FRAS1: variants seen among roughly 807,000 people sequenced by gnomAD.
The protein encoded by FRAS1 is extracellular matrix organizing protein FRAS1.
Under a neutral mutation model 435.2 loss-of-function variants are expected in FRAS1, and 290 were observed. That is an observed-to-expected ratio of 0.67 (90% CI 0.61 to 0.73). The LOEUF (loss-of-function observed/expected upper bound fraction) is 0.73. FRAS1 is among the 30% of genes least tolerant of loss of function. The pLI, the probability that FRAS1 is intolerant of heterozygous loss-of-function variation, is 0.00. For missense variants in FRAS1, 4,860 were observed against 5,001.5 expected (o/e 0.97, Z 0.85); for synonymous variants, 1,800 against 1,851.0 (o/e 0.97, Z 0.71).
At position 78,336,927 on chromosome 4, in the gene FRAS1, C is replaced by A. The variant is rs386832; in HGVS notation, c.2279-747C>A. Among the ~76,000 whole-genome samples, 3 of 152,244 alleles carry A rather than the reference C, an allele frequency of 2.0e-5. No homozygotes were observed. In the East Asian group the frequency reaches 5.8e-4, roughly 29 times the overall value. On this transcript the variant is annotated intron_variant, in intron 19 of 73. Coordinates refer to ENST00000512123, the MANE Select transcript of FRAS1 (RefSeq NM_025074.7). ...AATGCAGCTGCAGCTGCAGCCGCCT[C>A]TGATTCTTTGCCACCCTTATCCTTA... is the stretch of plus-strand genomic sequence containing the variant.
chr4:78,117,618 C>T (rs984058302), intron 2 of FRAS1, among the ~76,000 whole-genome samples: 4 of 152,148 alleles, frequency 2.6e-5, no homozygotes, highest in South Asian at 2.1e-4. Flanking sequence ...TCTAGTTGAT[C>T]GAATCAGCTA....
At chr4:78,301,168 A>G (rs1728374261) in intron 14 of FRAS1, among the ~76,000 whole-genome samples, 1 of 152,226 alleles carries the variant, frequency 6.6e-6, no homozygotes. Flanking sequence ...GCAGCAAGGC[A>G]TTCATTCTAC....
chr4:78,175,072 G>C (rs1290852907), intron 2 of FRAS1, among the ~76,000 whole-genome samples: 1 of 152,176 alleles, frequency 6.6e-6, no homozygotes, highest in Admixed American at 6.5e-5. Flanking sequence ...ATCAGCCTTT[G>C]CTACTTCCTG....
intron 2 of FRAS1, among the ~76,000 whole-genome samples, chr4:78,082,200 T>C (rs1049171334): frequency 6.6e-6 from 1 of 152,084 alleles, no homozygotes; most frequent in Non-Finnish European, 1.5e-5. Flanking sequence ...CTGGCACCCA[T>C]AAAAAATACA....
At chr4:78,345,568 C>A (rs1186992118) in intron 20 of FRAS1, among the ~76,000 whole-genome samples, 5 of 151,606 alleles carry the variant, frequency 3.3e-5, no homozygotes, top group Non-Finnish European at 1.5e-5. Context: ...ATTTTTTTAA[C>A]ACTTGCTTCT....
chr4:78,267,619 C>G (rs1726432558), intron 9 of FRAS1, among the ~76,000 whole-genome samples, 187 bp downstream of exon 9: 1 of 152,236 alleles, frequency 6.6e-6, no homozygotes, highest in Non-Finnish European at 1.5e-5. Flanking sequence ...TTCAGACTAG[C>G]TCAGAACAGC....
At chr4:78,330,577 C>T (rs561057626) in intron 18 of FRAS1, among the ~76,000 whole-genome samples, 4 of 151,108 alleles carry the variant, frequency 2.6e-5, no homozygotes, top group African/African-American at 4.9e-5. Flanking sequence ...AAAGAGAATG[C>T]GCGCCTGGGG....
intron 71 of FRAS1, 92 bp from the exon 72 acceptor site, chr4:78,536,903 T>C: frequency 1.0e-6 from 1 of 978,836 alleles, no homozygotes; most frequent in Non-Finnish European, 1.6e-6. Context: ...TTTTCACTCT[T>C]AAGGGAGCAT....
At chr4:78,481,749 C>T (rs1351245798) in intron 56 of FRAS1, 55 bp from the exon 57 acceptor site, 24 of 1,594,110 alleles carry the variant, frequency 1.5e-5, no homozygotes, top group African/African-American at 2.7e-5. Flanking sequence ...CTGAAAACCT[C>T]GCTGATTTTC....
At chr4:78,272,990 G>A (rs1046244141) in intron 9 of FRAS1, among the ~76,000 whole-genome samples, 3 of 152,026 alleles carry the variant, frequency 2.0e-5, no homozygotes, top group African/African-American at 4.8e-5. Context: ...TTATTTCATC[G>A]ATCAGTGGTT....
At chr4:78,450,371 C>T (rs775929404) in intron 45 of FRAS1, 32 bp downstream of exon 45, 4 of 1,555,874 alleles carry the variant, frequency 2.6e-6, no homozygotes, top group South Asian at 1.1e-5. Context: ...TACCAGGCTT[C>T]CGTGGACTGC....
intron 23 of FRAS1, among the ~76,000 whole-genome samples, chr4:78,370,766 T>C (rs1731471989): frequency 6.6e-6 from 1 of 152,244 alleles, no homozygotes; most frequent in Non-Finnish European, 1.5e-5. Flanking sequence ...AGTGCCTTTT[T>C]CTTTGCTCTC....
chr4:78,465,234 T>C (rs1428363526), intron 49 of FRAS1, among the ~76,000 whole-genome samples: 2 of 152,266 alleles, frequency 1.3e-5, no homozygotes, highest in Non-Finnish European at 2.9e-5. Context: ...TATGAGGTTC[T>C]AGGCTCTGCT....
chr4:78,457,666 C>A (rs570963151), intron 47 of FRAS1, among the ~76,000 whole-genome samples: 1 of 152,324 alleles, frequency 6.6e-6, no homozygotes, highest in Admixed American at 6.5e-5. Context: ...CCCTCAAGGA[C>A]GAGTCTAGAC....
chr4:78,322,122 C>T (rs959379662), intron 18 of FRAS1, among the ~76,000 whole-genome samples: 4 of 152,198 alleles, frequency 2.6e-5, no homozygotes, highest in Non-Finnish European at 5.9e-5. Context: ...GGAAACCGAG[C>T]ACAACTACCA....
At chr4:78,453,702 A>T (rs1309378314) in intron 47 of FRAS1, among the ~76,000 whole-genome samples, 1 of 152,106 alleles carries the variant, frequency 6.6e-6, no homozygotes, top group Non-Finnish European at 1.5e-5. Context: ...TGGGAGGCTG[A>T]GACAGGAGGA....
intron 2 of FRAS1, among the ~76,000 whole-genome samples, chr4:78,225,553 G>GA (rs1724234006): frequency 6.6e-6 from 1 of 152,114 alleles, no homozygotes; most frequent in African/African-American, 2.4e-5. Flanking sequence ...AATTGTTTCA[G>GA]AAGTCTTGCT....
chr4:78,070,146 A>C (rs1391870492), intron 2 of FRAS1, among the ~76,000 whole-genome samples: 1 of 152,152 alleles, frequency 6.6e-6, no homozygotes, highest in Non-Finnish European at 1.5e-5. Context: ...CACCAGATTC[A>C]CTATGTGATG....
chr4:78,313,171 C>T (rs1464246194), intron 15 of FRAS1, among the ~76,000 whole-genome samples: 4 of 152,150 alleles, frequency 2.6e-5, no homozygotes, highest in African/African-American at 9.7e-5. Flanking sequence ...TTGGAAACCT[C>T]AGGAGGTTTT....
Sources: allele counts gnomAD v4.1 joint callset (sites outside exome capture counted in the v4.1 genomes callset), GRCh38; gene constraint gnomAD v4.1.1; transcripts MANE v1.5; gene names NCBI Gene and HGNC (gene_info 2026-07-23, HGNC 2026-07-21).